The following CCM2 variants were observed in gnomAD, a reference collection of about 807,000 sequenced individuals.
The protein encoded by CCM2 is CCM2 scaffold protein.
A neutral mutation model predicts 44.9 loss-of-function variants in CCM2; 25 were observed. The ratio of observed to expected loss-of-function variants is 0.56; its 90% CI spans 0.41 to 0.78. The LOEUF (loss-of-function observed/expected upper bound fraction) is 0.78. Ranked by LOEUF, CCM2 falls within the 30% of genes least tolerant of loss-of-function variation. The pLI, the probability that CCM2 is intolerant of heterozygous loss-of-function variation, is 0.00. For missense variants in CCM2, 481 were observed against 580.6 expected, an observed-to-expected ratio of 0.83 and a Z score of 1.76; for synonymous variants, 219 against 241.1, an observed-to-expected ratio of 0.91 and a Z score of 0.85.
At position 45,075,791 on chromosome 7, in the gene CCM2, A is replaced by G. The variant is rs370697198; in HGVS notation, c.1069A>G (p.Ile357Val). 1.2e-6 allele frequency: 2 copies of G among 1,613,542 alleles called. No homozygotes were observed. Among genetic ancestry groups the G allele is most frequent in the Non-Finnish European group, 1.7e-6 (2 of 1,180,016 alleles). ...TGTGTCTGCAGGTCTGAGGCCCTTC[A>G]TCCCTGAGAAGGACAGCCAGCACTT... ...KFLLLGLRPF[I>V]PEKDSQHFEN... Residue 357 changes from isoleucine (I) to valine (V), a missense_variant, in exon 10 of 10, where the codon ATC (isoleucine) becomes GTC (valine). Coordinates refer to ENST00000258781, the MANE Select transcript of CCM2 (RefSeq NM_031443.4).
chr7:45,036,977 A>T (rs1274187715), intron 1 of CCM2, among the ~76,000 whole-genome samples: 1 of 151,850 alleles, frequency 6.6e-6, no homozygotes, highest in African/African-American at 2.4e-5. Context: ...TATGGAGGAG[A>T]TGGTGGGGAA....
chr7:45,037,418 CTTTTTT>C (rs11424221), intron 1 of CCM2, among the ~76,000 whole-genome samples: 3 of 112,094 alleles, frequency 2.7e-5, no homozygotes, highest in African/African-American at 1.1e-4. Flanking sequence ...TCTCCCCCTA[CTTTTTT>C]TTTTTTTTTT....
At chr7:45,038,620 C>T (rs1797339814) in intron 2 of CCM2, among the ~76,000 whole-genome samples, 194 bp downstream of exon 2, 1 of 152,122 alleles carries the variant, frequency 6.6e-6, no homozygotes, top group Non-Finnish European at 1.5e-5. Flanking sequence ...GTCTGCTGAC[C>T]CCAGTTTATT....
chr7:45,064,713 CT>C, intron 4 of CCM2, 67 bp downstream of exon 4: 1 of 1,567,434 alleles, frequency 6.4e-7, no homozygotes, highest in East Asian at 2.3e-5. Context: ...TTATGAAGTT[CT>C]GGAGACAGTT....
chr7:45,002,389 C>G (rs1795675222), intron 1 of CCM2, among the ~76,000 whole-genome samples: 1 of 152,108 alleles, frequency 6.6e-6, no homozygotes, highest in Non-Finnish European at 1.5e-5. Flanking sequence ...GGCAACATGG[C>G]AAAACCCCAT....
chr7:45,044,061 T>C (rs944510090), intron 2 of CCM2, among the ~76,000 whole-genome samples: 17 of 152,246 alleles, frequency 1.1e-4, no homozygotes, highest in African/African-American at 3.9e-4. Flanking sequence ...TTTCCAGTGC[T>C]TGAGGTCTGT....
chr7:45,037,624 G>C (rs1465320980), intron 1 of CCM2, among the ~76,000 whole-genome samples: 2 of 151,878 alleles, frequency 1.3e-5, no homozygotes, highest in African/African-American at 4.8e-5. Flanking sequence ...CACCATGTTG[G>C]CCAGGCTGGT....
At chr7:45,046,596 TAACTC>T (rs1381833346) in intron 2 of CCM2, among the ~76,000 whole-genome samples, 2 of 152,164 alleles carry the variant, frequency 1.3e-5, no homozygotes, top group African/African-American at 4.8e-5. Context: ...ACACAAAAAT[TAACTC>T]AAAATGGATC....
chr7:45,021,827 C>G (rs1034210344), intron 1 of CCM2, among the ~76,000 whole-genome samples: 5 of 152,198 alleles, frequency 3.3e-5, no homozygotes, highest in African/African-American at 1.2e-4. Context: ...GTGGCTGTGA[C>G]AGCTGTTGAA....
intron 1 of CCM2, among the ~76,000 whole-genome samples, chr7:45,031,850 G>A (rs998824828): frequency 1.3e-5 from 2 of 152,294 alleles, no homozygotes; most frequent in African/African-American, 4.8e-5. Flanking sequence ...GGGATTACAG[G>A]TGTGAGCCAC....
At chr7:45,072,543 T>G (rs1431864698) in intron 6 of CCM2, 183 bp from the exon 7 acceptor site, 1 of 676,340 alleles carries the variant, frequency 1.5e-6, no homozygotes, top group East Asian at 2.7e-5. Flanking sequence ...GGCTCAAGTC[T>G]GGGAAGCCCT....
rs150485027 is a variant in CCM2, at chr7:45,055,277, A to G, written c.205-8641A>G. ...GACCCCATCTTAGTCAGTATTTTTT[A>G]TTACCCTTTTGAGAACAGAGAATAA... is the stretch of plus-strand genomic sequence containing the variant. On this transcript the variant is annotated intron_variant, in intron 2 of 9. Coordinates refer to ENST00000258781, the MANE Select transcript of CCM2 (RefSeq NM_031443.4). Among the ~76,000 whole-genome samples the G allele has an allele frequency of 8.0e-3, 1,212 of 152,336 alleles. 16 individuals are homozygous for G. The highest frequency in any genetic ancestry group is 0.027 in the African/African-American group (1,138 of 41,580).
intron 2 of CCM2, among the ~76,000 whole-genome samples, chr7:45,042,610 A>G (rs921582079): frequency 2.6e-5 from 4 of 152,220 alleles, no homozygotes; most frequent in African/African-American, 9.6e-5. Flanking sequence ...GACCAGTGGC[A>G]CAACATTCTT....
chr7:45,060,116 G>A lies in CCM2; in HGVS notation c.205-3802G>A, dbSNP rs1270686199. Among the ~76,000 whole-genome samples the A allele has an allele frequency of 2.0e-5, 3 of 152,108 alleles. No homozygotes were observed. In the East Asian group the frequency reaches 5.8e-4, roughly 29 times the overall value. On this transcript the variant is annotated intron_variant, in intron 2 of 9. Coordinates refer to ENST00000258781, the MANE Select transcript of CCM2 (RefSeq NM_031443.4). ...CCAAATCATTTTCATTCTCTCTGAAGAAGTTCTTTTAACTTTTCTTGAAAT... is the reference window on the plus strand; with the variant it reads ...CCAAATCATTTTCATTCTCTCTGAAAAAGTTCTTTTAACTTTTCTTGAAAT...
chr7:45,040,938 C>T (rs190003520), intron 2 of CCM2, among the ~76,000 whole-genome samples: 233 of 152,274 alleles, frequency 1.5e-3, no homozygotes, highest in African/African-American at 4.7e-3. Flanking sequence ...TGCAGTGAGC[C>T]GAGATCGCAC....
chr7:45,014,072 C>T (rs1796165033), intron 1 of CCM2, among the ~76,000 whole-genome samples: 1 of 151,930 alleles, frequency 6.6e-6, no homozygotes, highest in South Asian at 2.1e-4. Flanking sequence ...TCAAATTGTC[C>T]CAAACTCAGC....
chr7:45,068,520 G>C lies in CCM2; in HGVS notation c.550G>C (p.Glu184Gln), dbSNP rs776079371. Residue 184 changes from glutamate (E) to glutamine (Q), a missense_variant, in exon 5 of 10, where the codon GAG becomes CAG. By Grantham distance (29) the Glu-to-Gln change is conservative. Coordinates refer to ENST00000258781, the MANE Select transcript of CCM2 (RefSeq NM_031443.4). Reference protein sequence around the residue: ...SRGLSAGSLSESAVGPVEACC... With the variant: ...SRGLSAGSLSQSAVGPVEACC... ...AGGCCTCAGTGCAGGCTCCCTGTCGGAGAGTGCAGTTGGGCCCGTGGAGGC... is the reference window on the plus strand; with the variant it reads ...AGGCCTCAGTGCAGGCTCCCTGTCGCAGAGTGCAGTTGGGCCCGTGGAGGC... 6 of 1,614,184 alleles carry C rather than the reference G, an allele frequency of 3.7e-6. No individual in the cohort carries two copies. In the South Asian group the frequency reaches 4.4e-5, roughly 12 times the overall value.
chr7:45,046,634 A>G (rs775670250), intron 2 of CCM2, among the ~76,000 whole-genome samples: 1 of 152,234 alleles, frequency 6.6e-6, no homozygotes, highest in Non-Finnish European at 1.5e-5. Context: ...ATAAAATACA[A>G]CTTCTAGGAT....
intron 1 of CCM2, chr7:45,027,555 G>A: frequency 6.8e-7 from 1 of 1,468,904 alleles, no homozygotes; most frequent in Non-Finnish European, 9.2e-7. Context: ...GGTGCTGCCT[G>A]CTTTTTAAAC....
Sources: gnomAD v4.1 joint callset for allele counts (sites outside exome capture counted in the v4.1 genomes callset) on GRCh38, gnomAD v4.1.1 for gene constraint, MANE v1.5 for transcripts, NCBI Gene and HGNC (gene_info 2026-07-23, HGNC 2026-07-21) for gene names.